Variants in DDX4 observed in about 807,000 individuals in gnomAD.
The protein encoded by DDX4 is probable ATP-dependent RNA helicase DDX4.
A neutral mutation model predicts 100.0 loss-of-function variants in DDX4; 25 were observed. The observed-to-expected ratio is 0.25, with a 90% CI of 0.18 to 0.35. The LOEUF (loss-of-function observed/expected upper bound fraction) is 0.35, where lower values mean the gene tolerates loss of function less well. DDX4 is among the 10% of genes least tolerant of loss of function. The probability of loss-of-function intolerance (pLI) is 1.00; values close to 1 mark genes in which losing one functional copy is unlikely to be tolerated. For synonymous variants in DDX4, 259 were observed against 275.7 expected, an observed-to-expected ratio of 0.94 and a Z score of 0.60; for missense variants, 635 against 882.4, an observed-to-expected ratio of 0.72 and a Z score of 3.55.
intron 7 of DDX4, among the ~76,000 whole-genome samples, chr5:55,778,315 T>G (rs1741697498): frequency 1.3e-5 from 2 of 152,128 alleles, no homozygotes; most frequent in South Asian, 4.1e-4. Context: ...AGAGGAAATT[T>G]TATAGCCTTA....
chr5:55,807,214 G>T (rs987335954), intron 18 of DDX4, among the ~76,000 whole-genome samples: 1 of 152,066 alleles, frequency 6.6e-6, no homozygotes, highest in East Asian at 1.9e-4. Context: ...GCCTATGTGT[G>T]GCTCTGCACA....
At chr5:55,815,937 GT>G (rs369016313) in intron 21 of DDX4, among the ~76,000 whole-genome samples, 5,641 of 109,078 alleles carry the variant, frequency 0.052, 81 homozygotes, top group African/African-American at 0.087. Flanking sequence ...ATCTTAGCTG[GT>G]TTTTTTTTTT....
intron 7 of DDX4, 107 bp downstream of exon 7, chr5:55,768,047 A>G (rs896886345): frequency 3.5e-5 from 36 of 1,028,704 alleles, no homozygotes; most frequent in Non-Finnish European, 4.6e-5. Flanking sequence ...AAAACCTTTG[A>G]AGAAAAATAC....
intron 21 of DDX4, 124 bp from the exon 22 acceptor site, chr5:55,816,339 T>G: frequency 7.2e-7 from 1 of 1,382,224 alleles, no homozygotes; most frequent in Non-Finnish European, 9.5e-7. Flanking sequence ...GTTCTTTGAT[T>G]ATTTGGGGAA....
chr5:55,774,928 A>G (rs925990275), intron 7 of DDX4, among the ~76,000 whole-genome samples: 2 of 152,174 alleles, frequency 1.3e-5, no homozygotes, highest in Admixed American at 6.5e-5. Flanking sequence ...ACTATTCTTA[A>G]GTGTATAATT....
chr5:55,765,412 AAATAT>A (rs1386577198), intron 6 of DDX4, among the ~76,000 whole-genome samples: 1 of 117,092 alleles, frequency 8.5e-6, no homozygotes, highest in African/African-American at 3.3e-5. Flanking sequence ...AAAAAAAAAA[AAATAT>A]ATATATATAT....
chr5:55,799,105 T>G (rs916698114), intron 18 of DDX4, among the ~76,000 whole-genome samples: 1 of 152,186 alleles, frequency 6.6e-6, no homozygotes, highest in Non-Finnish European at 1.5e-5. Context: ...GGTCTCACTT[T>G]GTTGCTCGGC....
At chr5:55,812,129 T>C (rs890320482) in intron 18 of DDX4, among the ~76,000 whole-genome samples, 6 of 152,204 alleles carry the variant, frequency 3.9e-5, no homozygotes, top group African/African-American at 1.4e-4. Context: ...TAAAGTATAT[T>C]TTTCAAAAGT....
chr5:55,792,700 G>T lies in DDX4; in HGVS notation c.1362G>T (p.Met454Ile). ...VLDEADRMLDMGFGPEMKKLI... is the reference protein window; with the variant it reads ...VLDEADRMLDIGFGPEMKKLI... ...ATGAAGCTGATCGCATGTTGGATATGGGTTTTGGTCCAGAAATGAAGAAGT... is the reference window on the plus strand; with the variant it reads ...ATGAAGCTGATCGCATGTTGGATATTGGTTTTGGTCCAGAAATGAAGAAGT... The change falls in exon 17 of 22, where the codon ATG (methionine) becomes ATT (isoleucine). Residue 454 changes from methionine (M) to isoleucine (I), a missense_variant. Coordinates refer to ENST00000505374, the MANE Select transcript of DDX4 (RefSeq NM_024415.3). 6.2e-7 allele frequency: 1 copy of T among 1,602,592 alleles called. No homozygotes were observed. Among genetic ancestry groups the T allele is most frequent in the South Asian group, 1.1e-5 (1 of 89,810 alleles).
At chr5:55,756,454 C>G (rs1221884263) in intron 3 of DDX4, among the ~76,000 whole-genome samples, 4 of 152,132 alleles carry the variant, frequency 2.6e-5, no homozygotes, top group African/African-American at 9.7e-5. Context: ...GCTGGCAGCC[C>G]TAAGCACCAC....
intron 19 of DDX4, among the ~76,000 whole-genome samples, chr5:55,814,504 CT>C (rs575021582): frequency 1.7e-3 from 217 of 125,736 alleles, no homozygotes; most frequent in African/African-American, 4.8e-3. Context: ...TGCTGCTATT[CT>C]TTTTTTTTTT....
chr5:55,792,569 T>A (rs559374404), intron 16 of DDX4, 72 bp from the exon 17 acceptor site: 46 of 800,458 alleles, frequency 5.7e-5, no homozygotes, highest in Non-Finnish European at 7.9e-5. Context: ...TTTTAACAGT[T>A]GGAATTGTAG....
intron 10 of DDX4, 121 bp from the exon 11 acceptor site, chr5:55,785,176 A>AT: frequency 1.4e-6 from 1 of 710,106 alleles, no homozygotes; most frequent in Non-Finnish European, 2.5e-6. Context: ...TGTTTCAAGT[A>AT]TTTGTAAGAA....
rs117369294 is a variant in DDX4, at chr5:55,741,661, C to T, written c.69+2629C>T. On this transcript the variant is annotated intron_variant, in intron 2 of 21. Coordinates refer to ENST00000505374, the MANE Select transcript of DDX4 (RefSeq NM_024415.3). ...AAAATTAGCTGGGAGTGGTGGCACA[C>T]GCCAGTAGCCTCAGCTACTTGGGAG... Among the ~76,000 whole-genome samples the T allele has an allele frequency of 7.6e-3, 1,162 of 152,110 alleles. 49 individuals carry two copies. The East Asian group carries it at 0.093, about 12-fold the overall frequency.
chr5:55,780,148 GT>G, intron 8 of DDX4, 83 bp downstream of exon 8: 1 of 1,545,316 alleles, frequency 6.5e-7, no homozygotes. Context: ...AAAGAAGGTT[GT>G]TATGAGGATT....
intron 7 of DDX4, among the ~76,000 whole-genome samples, chr5:55,775,772 G>A (rs1488536273): frequency 6.6e-6 from 1 of 152,124 alleles, no homozygotes; most frequent in African/African-American, 2.4e-5. Context: ...ATTGTCAGCT[G>A]TCCCTTATGA....
chr5:55,765,164 T>C (rs1222667480), intron 6 of DDX4, among the ~76,000 whole-genome samples: 5 of 152,032 alleles, frequency 3.3e-5, no homozygotes, highest in Non-Finnish European at 7.4e-5. Context: ...TTTATTCTTT[T>C]CCATTTCTAT....
At chr5:55,779,909 C>T in intron 7 of DDX4, 55 bp from the exon 8 acceptor site, 1 of 1,571,116 alleles carries the variant, frequency 6.4e-7, no homozygotes. Flanking sequence ...ACCATGTCCC[C>T]AAGATTTCTT....
intron 3 of DDX4, among the ~76,000 whole-genome samples, chr5:55,753,800 A>G (rs1470867756): frequency 2.3e-5 from 3 of 131,922 alleles, no homozygotes; most frequent in Non-Finnish European, 4.8e-5. Context: ...CTTCCTACCC[A>G]TGAGCATGGA....
Sources: allele counts gnomAD v4.1 joint callset (sites outside exome capture counted in the v4.1 genomes callset), GRCh38; gene constraint gnomAD v4.1.1; transcripts MANE v1.5; gene names NCBI Gene and HGNC (gene_info 2026-07-23, HGNC 2026-07-21).